Variants in RSL1D1 observed in about 807,000 individuals in gnomAD.
RSL1D1 encodes ribosomal L1 domain-containing protein 1.
In RSL1D1, 34 loss-of-function variants were observed where a neutral mutation model predicts 44.6. The observed-to-expected ratio is 0.76, with a 90% CI of 0.58 to 1.02. The LOEUF (loss-of-function observed/expected upper bound fraction) is 1.02, where lower values mean the gene tolerates loss of function less well. RSL1D1 is among the 50% of genes least tolerant of loss of function. The pLI, the probability that RSL1D1 is intolerant of heterozygous loss-of-function variation, is 0.00. For synonymous variants in RSL1D1, 271 were observed against 207.4 expected (o/e 1.31, Z -2.63); for missense variants, 767 against 568.1 (o/e 1.35, Z -3.56).
At position 11,851,461 on chromosome 16, in the gene RSL1D1, A is replaced by G. The variant is rs771054511; in HGVS notation, c.52T>C (p.Ser18Pro). ...SLSSAAATGT[S>P]TSTPAAPTAR... ...GTCGGGGCCGCTGGAGTCGAGGTGG[A>G]GGTTCCAGTAGCGGCTGCAGAAGAC... is the stretch of plus-strand genomic sequence containing the variant. The change falls in exon 1 of 9, where the codon TCC becomes CCC. Residue 18 changes from serine to proline, a missense_variant. Physicochemically the swap from Ser to Pro is moderately conservative, Grantham distance 74 (BLOSUM62 -1). Coordinates refer to ENST00000571133, the MANE Select transcript of RSL1D1 (RefSeq NM_015659.3). 4.3e-6 allele frequency: 7 copies of G among 1,613,932 alleles called. No homozygotes were observed. Among genetic ancestry groups the G allele is most frequent in the South Asian group, 1.1e-5 (1 of 91,090 alleles).
intron 1 of RSL1D1, chr16:11,851,092 G>A: frequency 9.5e-6 from 4 of 421,560 alleles, no homozygotes; most frequent in Non-Finnish European, 1.3e-5. Flanking sequence ...TTAAATAACG[G>A]GTAACAGACC....
In RSL1D1 at chr16:11,847,777, G is replaced by T; in HGVS notation, c.275C>A (p.Ser92Ter). 1 of 1,613,328 alleles carries T rather than the reference G, an allele frequency of 6.2e-7. No homozygotes were observed. Among genetic ancestry groups the T allele is most frequent in the South Asian group, 1.1e-5 (1 of 90,942 alleles). Residue 92 changes from serine (S) to a stop codon, truncating the protein, a stop_gained, in exon 3 of 9, where the codon TCA (serine) becomes TAA (stop). Transcript: ENST00000571133. LOFTEE classifies it high-confidence loss of function. Reference sequence around the variant, plus strand: ...CTTCGTAAATAAACAGATATCTTCTGAATCTGATCGAATACTATGAGGCAA... The same window carrying T: ...CTTCGTAAATAAACAGATATCTTCTTAATCTGATCGAATACTATGAGGCAA... ...LTLPHSIRSD[S>*]EDICLFTKDE...
rs1271131527 is a variant in RSL1D1 at position 11,834,452 on chromosome 16, A to G, written c.*3335T>C. 3 of 152,284 alleles carry G rather than the reference A, an allele frequency of 2.0e-5. No homozygotes were observed. Among genetic ancestry groups the G allele is most frequent in the Non-Finnish European group, 4.4e-5 (3 of 68,046 alleles). The allele number at this position is 152,284 out of a possible 1,614,324, so 9.4% of individuals were successfully genotyped here. On this transcript the variant is annotated 3_prime_UTR_variant, in exon 9 of 9. Transcript: ENST00000571133. ...GAACAGGAAAGTAAACACCTGTGTCATGTTCAACAAGACTGAACTACGGAG... is the reference window on the plus strand; with the variant it reads ...GAACAGGAAAGTAAACACCTGTGTCGTGTTCAACAAGACTGAACTACGGAG...
At chr16:11,851,178 T>G (rs2053834802) in intron 1 of RSL1D1, 3 of 589,288 alleles carry the variant, frequency 5.1e-6, no homozygotes, top group Non-Finnish European at 9.2e-6. Context: ...CTCATCTAGC[T>G]CCACAGCACA....
chr16:11,851,474 G>A lies in RSL1D1; in HGVS notation c.39C>T (p.Ala13=). 1 of 1,614,068 alleles carries A rather than the reference G, an allele frequency of 6.2e-7. No individual in the cohort carries two copies. Among genetic ancestry groups the A allele is most frequent in the Non-Finnish European group, 8.5e-7 (1 of 1,179,988 alleles). The part of the protein sequence containing the change: ...DSASASLSSA[A]ATGTSTSTPA... ...GAGTCGAGGTGGAGGTTCCAGTAGC[G>A]GCTGCAGAAGACAGCGAGGCCGAGG... The change falls in exon 1 of 9, where the codon GCC becomes GCT. Residue 13 remains alanine (A), a synonymous_variant. Coordinates refer to ENST00000571133, the MANE Select transcript of RSL1D1 (RefSeq NM_015659.3).
At chr16:11,838,167 C>CT (rs1275785303) in intron 8 of RSL1D1, 54 bp from the exon 9 acceptor site, 2 of 1,338,240 alleles carry the variant, frequency 1.5e-6, no homozygotes, top group African/African-American at 1.5e-5. Context: ...ACCTGACACT[C>CT]TAACTCCAGG....
intron 7 of RSL1D1, among the ~76,000 whole-genome samples, chr16:11,840,530 T>C (rs1185651421): frequency 6.6e-6 from 1 of 152,172 alleles, no homozygotes; most frequent in Non-Finnish European, 1.5e-5. Context: ...ATCATGCCAC[T>C]GCACTTCAGC....
At chr16:11,847,331 T>C (rs2053806052) in intron 3 of RSL1D1, among the ~76,000 whole-genome samples, 2 of 152,066 alleles carry the variant, frequency 1.3e-5, no homozygotes, top group Admixed American at 6.6e-5. Flanking sequence ...GCCGAGGTCC[T>C]GCCATTGAAT....
chr16:11,837,925 C>A lies in RSL1D1; in HGVS notation c.1335G>T (p.Ser445=), dbSNP rs775721999. The A allele has an allele frequency of 6.2e-7, 1 of 1,614,014 alleles. No homozygotes were observed. The highest frequency in any genetic ancestry group is 1.1e-5 in the South Asian group (1 of 91,076). Residue 445 remains serine, a synonymous_variant, in exon 9 of 9, where the codon TCG becomes TCT. Transcript: ENST00000571133. ...KEEAVKEKSP[S]LGKKDARQTP... is the part of the protein sequence containing the mutation. Reference sequence around the variant, plus strand: ...TCTGTCTCGCATCTTTTTTCCCCAGCGAAGGACTTTTTTCCTTCACTGCCT... The same window carrying A: ...TCTGTCTCGCATCTTTTTTCCCCAGAGAAGGACTTTTTTCCTTCACTGCCT...
intron 5 of RSL1D1, among the ~76,000 whole-genome samples, chr16:11,842,712 C>T (rs1019265113): frequency 1.3e-5 from 2 of 151,316 alleles, no homozygotes; most frequent in African/African-American, 2.4e-5. Flanking sequence ...CTTTCATGTA[C>T]TAGAAATTCC....
chr16:11,850,572 C>A (rs569096091), intron 1 of RSL1D1, among the ~76,000 whole-genome samples, 154 bp from the exon 2 acceptor site: 1 of 152,104 alleles, frequency 6.6e-6, no homozygotes, highest in African/African-American at 2.4e-5. Flanking sequence ...CCTCCATAAC[C>A]GTATCTATTA....
chr16:11,846,156 G>A (rs776669183), intron 5 of RSL1D1, among the ~76,000 whole-genome samples: 3 of 151,518 alleles, frequency 2.0e-5, no homozygotes, highest in African/African-American at 7.3e-5. Context: ...ACTTTGGGAG[G>A]CCAAGGCGGG....
Position 11,839,854 on chromosome 16 carries a change from T to C in RSL1D1, c.987A>G (p.Thr329=). The C allele has an allele frequency of 6.2e-7, 1 of 1,614,210 alleles. No homozygotes were observed. Among genetic ancestry groups the C allele is most frequent in the African/African-American group, 1.3e-5 (1 of 75,050 alleles). ...DDVAPESGDT[T]VKKPESKKEQ... ...CCTTCTTTGATTCAGGTTTCTTCAC[T>C]GTAGTATCACCACTTTCAGGTGCCA... The change falls in exon 8 of 9, where the codon ACA becomes ACG. Residue 329 remains threonine, a synonymous_variant. Coordinates refer to ENST00000571133, the MANE Select transcript of RSL1D1 (RefSeq NM_015659.3).
chr16:11,847,898 A>G lies in RSL1D1; in HGVS notation c.246-92T>C, dbSNP rs2287022. 450 of 1,318,840 alleles carry G rather than the reference A, an allele frequency of 3.4e-4. 1 individual carries two copies. In the East Asian group the frequency reaches 9.0e-3, roughly 26 times the overall value. 81.7% of individuals were successfully genotyped at this position (1,318,840 alleles called of 1,614,324 possible). On this transcript the variant is annotated intron_variant, in intron 2 of 8. Coordinates refer to ENST00000571133, the MANE Select transcript of RSL1D1 (RefSeq NM_015659.3). Reference sequence around the variant, plus strand: ...CAGAATACGCGATAAACTTAGTGTTATTTAAATAACTTTTAGTCATGCTAG... The same window carrying G: ...CAGAATACGCGATAAACTTAGTGTTGTTTAAATAACTTTTAGTCATGCTAG...
chr16:11,847,300 G>T (rs1004256687), intron 3 of RSL1D1, among the ~76,000 whole-genome samples: 3 of 152,148 alleles, frequency 2.0e-5, no homozygotes, highest in African/African-American at 7.2e-5. Flanking sequence ...GCTTGAACCT[G>T]GGAGGTGGAG....
At chr16:11,844,789 C>T (rs35404320) in intron 5 of RSL1D1, among the ~76,000 whole-genome samples, 466 of 152,322 alleles carry the variant, frequency 3.1e-3, no homozygotes, top group South Asian at 9.7e-3. Flanking sequence ...ATCTCCACAC[C>T]GCAGTCAGCA....
At chr16:11,845,722 CTTTTT>C (rs139021853) in intron 5 of RSL1D1, among the ~76,000 whole-genome samples, 1 of 147,078 alleles carries the variant, frequency 6.8e-6, no homozygotes, top group Non-Finnish European at 1.5e-5. Flanking sequence ...GAGAACTGAA[CTTTTT>C]TTTTTTTTCA....
chr16:11,841,958 G>C lies in RSL1D1; in HGVS notation c.678C>G (p.Ile226Met). 1.2e-6 allele frequency: 2 copies of C among 1,613,966 alleles called. No individual in the cohort carries two copies. Among genetic ancestry groups the C allele is most frequent in the Non-Finnish European group, 1.7e-6 (2 of 1,179,948 alleles). ...TGGTGACAGCAACAATGTTTTCAAT[G>C]ATGTGCTCAATTTGCATTCCAACGT... Reference protein sequence around the residue: ...IGHVGMQIEHIIENIVAVTKG... With the variant: ...IGHVGMQIEHMIENIVAVTKG... The change falls in exon 6 of 9, where the codon ATC becomes ATG. Residue 226 changes from isoleucine (I) to methionine (M), a missense_variant. By Grantham distance (10) the Ile-to-Met change is conservative. Transcript: ENST00000571133.
chr16:11,839,308 G>C (rs2053745579), intron 8 of RSL1D1, among the ~76,000 whole-genome samples: 1 of 151,116 alleles, frequency 6.6e-6, no homozygotes. Flanking sequence ...GGAGGTTGCA[G>C]TGAGCTGAGA....
Sources: gnomAD v4.1 joint callset for allele counts (sites outside exome capture counted in the v4.1 genomes callset) on GRCh38, gnomAD v4.1.1 for gene constraint, MANE v1.5 for transcripts, NCBI Gene and HGNC (gene_info 2026-07-23, HGNC 2026-07-21) for gene names.